FRMPD2: variants seen among roughly 807,000 people sequenced by gnomAD.
FRMPD2 encodes the protein FERM and PDZ domain-containing protein 2.
FRMPD2 carries 96 observed loss-of-function variants against 140.1 expected under a neutral mutation model. The ratio of observed to expected loss-of-function variants is 0.69; its 90% CI spans 0.58 to 0.81. FRMPD2 has a LOEUF of 0.81. Ranked by LOEUF, FRMPD2 falls within the 40% of genes least tolerant of loss-of-function variation. FRMPD2 has a pLI of 0.00. For missense variants in FRMPD2, 1,240 were observed against 1,447.4 expected (o/e 0.86, Z 2.32); for synonymous variants, 449 against 547.6 (o/e 0.82, Z 2.52).
At chr10:48,206,996 G>A (rs1324840898) in intron 13 of FRMPD2, 63 bp from the exon 14 acceptor site, 18 of 1,453,934 alleles carry the variant, frequency 1.2e-5, no homozygotes, top group Non-Finnish European at 1.3e-5. Flanking sequence ...TGGGCCTCAC[G>A]CCATTCACTC....
intron 3 of FRMPD2, among the ~76,000 whole-genome samples, chr10:48,245,470 T>C (rs967278435): frequency 6.6e-6 from 1 of 152,244 alleles, no homozygotes; most frequent in Non-Finnish European, 1.5e-5. Context: ...GGGAAGAGCA[T>C]TGTTTGACAT....
At position 48,232,218 on chromosome 10, in the gene FRMPD2, C is replaced by T. The variant is rs1839866965; in HGVS notation, c.1065G>A (p.Glu355=). ...CTGTTGATTCAACATCACATTTTAC[C>T]TCCAGGTGCTGCCCGTTCAGCAGGA... The part of the protein sequence containing the change: ...CVVLLNGQHL[E]VKCDVESTVG... The change falls in exon 10 of 29, where the codon GAG becomes GAA. Residue 355 remains glutamate (E), a synonymous_variant. Transcript: ENST00000374201. 6.2e-7 allele frequency: 1 copy of T among 1,614,186 alleles called. No homozygotes were observed. The highest frequency in any genetic ancestry group is 8.5e-7 in the Non-Finnish European group (1 of 1,180,022).
At chr10:48,209,999 AAT>A (rs1374723375) in intron 13 of FRMPD2, among the ~76,000 whole-genome samples, 1 of 152,212 alleles carries the variant, frequency 6.6e-6, no homozygotes, top group African/African-American at 2.4e-5. Context: ...GCTAATTTTA[AAT>A]ATATATGCAT....
chr10:48,256,315 G>A (rs144832731), intron 1 of FRMPD2, among the ~76,000 whole-genome samples: 5 of 151,992 alleles, frequency 3.3e-5, no homozygotes, highest in African/African-American at 7.2e-5. Flanking sequence ...TCACCCGGGC[G>A]GCACACCGTA....
At chr10:48,258,811 C>T (rs892608365) in intron 1 of FRMPD2, among the ~76,000 whole-genome samples, 1 of 152,118 alleles carries the variant, frequency 6.6e-6, no homozygotes, top group African/African-American at 2.4e-5. Context: ...AAGGATACTA[C>T]ATATCATTAT....
chr10:48,274,010 T>C (rs982263726), intron 1 of FRMPD2, among the ~76,000 whole-genome samples: 2 of 152,210 alleles, frequency 1.3e-5, no homozygotes, highest in African/African-American at 4.8e-5. Context: ...CAGCTAGGCA[T>C]ACCCTGAGTC....
chr10:48,267,063 G>A lies in FRMPD2; in HGVS notation c.25+7480C>T, dbSNP rs547644679. Among the ~76,000 whole-genome samples the A allele has an allele frequency of 7.9e-5, 12 of 152,268 alleles. No homozygotes were observed. In the South Asian group the frequency reaches 2.5e-3, roughly 32 times the overall value. ...GGAAGTAATGAAGCAGAGCCCTTCT[G>A]TCCATACAGTATCAGGGAACATCTG... is the stretch of plus-strand genomic sequence containing the variant. On this transcript the variant is annotated intron_variant, in intron 1 of 28. Transcript: ENST00000374201.
chr10:48,205,978 A>G (rs1839189288), intron 14 of FRMPD2, among the ~76,000 whole-genome samples: 1 of 152,238 alleles, frequency 6.6e-6, no homozygotes, highest in South Asian at 2.1e-4. Context: ...AGAAAATTAA[A>G]TAGGAAAAAA....
chr10:48,262,954 C>A (rs1401163280), intron 1 of FRMPD2, among the ~76,000 whole-genome samples: 1 of 151,626 alleles, frequency 6.6e-6, no homozygotes, highest in East Asian at 1.9e-4. Flanking sequence ...AGTATGATTT[C>A]TCTCATGGAG....
chr10:48,254,807 G>T (rs1840456273), intron 1 of FRMPD2, among the ~76,000 whole-genome samples: 1 of 152,214 alleles, frequency 6.6e-6, no homozygotes, highest in Non-Finnish European at 1.5e-5. Flanking sequence ...TTACGCTCTT[G>T]GTCTCAGAGG....
At chr10:48,161,404 G>T (rs181169335) in intron 28 of FRMPD2, among the ~76,000 whole-genome samples, 2 of 151,522 alleles carry the variant, frequency 1.3e-5, no homozygotes, top group Admixed American at 1.3e-4. Flanking sequence ...AACAGCAAAT[G>T]CTAACAGATA....
rs758301868 is a variant in FRMPD2 at position 48,192,869 on chromosome 10, G to A, written c.1980C>T (p.Ala660=). The change falls in exon 16 of 29, where the codon GCC becomes GCT. Residue 660 remains alanine (A), a synonymous_variant. Transcript: ENST00000374201. ...GGGCCTGGTGTGCAGGACTCAAATT[G>A]GCCATTTGCACAAACTTATCATGGT... ...LFDHDKFVQM[A]NLSPAHQARS... The A allele has an allele frequency of 6.2e-7, 1 of 1,613,866 alleles. No homozygotes were observed. The highest frequency in any genetic ancestry group is 8.5e-7 in the Non-Finnish European group (1 of 1,179,966).
chr10:48,249,154 G>A lies in FRMPD2; in HGVS notation c.176C>T (p.Pro59Leu), dbSNP rs142764597. 52 of 1,614,080 alleles carry A rather than the reference G, an allele frequency of 3.2e-5. No individual in the cohort carries two copies. In the South Asian group the frequency reaches 4.4e-4, roughly 14 times the overall value. The change falls in exon 3 of 29, where the codon CCC (proline) becomes CTC (leucine). Residue 59 changes from proline to leucine, a missense_variant. Pro to Leu is a moderately conservative substitution (Grantham distance 98). Transcript: ENST00000374201. ...AGCTGCAGAAAGCAGGGCTGACCAG[G>A]GGCAAACCACATAGTCCGAGGAATC... is the stretch of plus-strand genomic sequence containing the variant. Reference protein sequence around the residue: ...RNDSSDYVVCPWSALLSAAGS... With the variant: ...RNDSSDYVVCLWSALLSAAGS...
At chr10:48,193,633 T>C (rs7895641) in intron 15 of FRMPD2, among the ~76,000 whole-genome samples, 16,900 of 152,246 alleles carry the variant, frequency 0.11, 1,229 homozygotes, top group Middle Eastern at 0.16. Flanking sequence ...GCCAAGTTAG[T>C]ATTTTAAGAC....
intron 9 of FRMPD2, among the ~76,000 whole-genome samples, chr10:48,235,608 C>A (rs567778625): frequency 9.2e-5 from 14 of 152,298 alleles, no homozygotes; most frequent in African/African-American, 3.4e-4. Flanking sequence ...TCTAGCCATG[C>A]CCCACTCAAG....
intron 3 of FRMPD2, among the ~76,000 whole-genome samples, chr10:48,248,048 C>T (rs1840291637): frequency 1.3e-5 from 2 of 152,178 alleles, no homozygotes; most frequent in Admixed American, 1.3e-4. Context: ...ATCTGGAAAC[C>T]ACCACATCCC....
chr10:48,206,357 T>C (rs373345655), intron 14 of FRMPD2, among the ~76,000 whole-genome samples: 3 of 152,124 alleles, frequency 2.0e-5, no homozygotes, highest in African/African-American at 7.2e-5. Flanking sequence ...TTTCAAAACC[T>C]TTCAGGCTCC....
intron 4 of FRMPD2, among the ~76,000 whole-genome samples, chr10:48,243,253 C>A (rs1840169133): frequency 6.6e-6 from 1 of 152,210 alleles, no homozygotes; most frequent in African/African-American, 2.4e-5. Context: ...ATGACAAGGA[C>A]TTTCACCTTG....
In FRMPD2 at chr10:48,249,047, C is replaced by T. The variant is rs767691740; in HGVS notation, c.283G>A (p.Glu95Lys). The T allele has an allele frequency of 6.2e-7, 1 of 1,613,244 alleles. No homozygotes were observed. Among genetic ancestry groups the T allele is most frequent in the Non-Finnish European group, 8.5e-7 (1 of 1,179,750 alleles). Residue 95 changes from glutamate (E) to lysine (K), a missense_variant, in exon 3 of 29, where the codon GAG becomes AAG. Glu to Lys is a moderately conservative substitution (Grantham distance 56, BLOSUM62 1). Around this residue, in one of 6 missense-constraint regions of FRMPD2, gnomAD observed 1,161 missense variants for 1,055.9 expected, o/e 1.10. Coordinates refer to ENST00000374201, the MANE Select transcript of FRMPD2 (RefSeq NM_001018071.4). ...TGAGATGCATCAGGCTGCTCATCCT[C>T]ACTCTGTCCCTGTAGCAGTTCAGGG... ...KAPELLQGQSEDEQPDASQMH... is the reference protein window; with the variant it reads ...KAPELLQGQSKDEQPDASQMH...
Sources: allele counts gnomAD v4.1 joint callset (sites outside exome capture counted in the v4.1 genomes callset), GRCh38; gene constraint gnomAD v4.1.1; regional missense constraint gnomAD v4.1.1; transcripts MANE v1.5; gene names NCBI Gene and HGNC (gene_info 2026-07-23, HGNC 2026-07-21).